Variants in NCK2 observed in about 807,000 individuals in gnomAD.
NCK2 encodes NCK adaptor protein 2, also known as cytoplasmic protein NCK2.
A neutral mutation model predicts 33.9 loss-of-function variants in NCK2; 16 were observed. The observed-to-expected ratio is 0.47, with a 90% confidence interval of 0.32 to 0.72. The LOEUF is 0.72. Among genes scored for constraint, NCK2 ranks in the 30% least tolerant of loss-of-function variants. NCK2 has a pLI of 0.03. For synonymous variants in NCK2, 273 were observed against 239.9 expected (o/e 1.14, Z -1.27); for missense variants, 418 against 537.3 (o/e 0.78, Z 2.19).
intron 3 of NCK2, among the ~76,000 whole-genome samples, chr2:105,874,114 G>A (rs933632104): frequency 6.6e-6 from 1 of 152,180 alleles, no homozygotes; most frequent in African/African-American, 2.4e-5. Context: ...ATCTCATGTG[G>A]CCGCCCTTTC....
Position 105,881,227 on chromosome 2 carries a change from G to C in NCK2, c.227-101G>C. On this transcript the variant is annotated intron_variant, in intron 3 of 4. Coordinates refer to ENST00000233154, the MANE Select transcript of NCK2 (RefSeq NM_003581.5). ...AGCACTGTCCATGTGTCGTCCCCTTGTATTTAACCGCCAGAGAAACTGCGT... is the reference window on the plus strand; with the variant it reads ...AGCACTGTCCATGTGTCGTCCCCTTCTATTTAACCGCCAGAGAAACTGCGT... 4 of 1,466,902 alleles carry C rather than the reference G, an allele frequency of 2.7e-6. No individual in the cohort carries two copies. In the South Asian group the frequency reaches 4.1e-5, roughly 15 times the overall value. The allele number at this position is 1,466,902 out of a possible 1,614,324, so 90.9% of individuals were successfully genotyped here. A position where few individuals can be genotyped will look rare whatever the true frequency, so the allele number is the denominator to read the frequency against.
chr2:105,835,536 A>G (rs1470051860), intron 2 of NCK2, among the ~76,000 whole-genome samples: 5 of 149,444 alleles, frequency 3.3e-5, no homozygotes, highest in Non-Finnish European at 7.4e-5. Context: ...ATTTTACTTG[A>G]TGTTTTTCTC....
chr2:105,851,660 G>A (rs1359024981), intron 2 of NCK2: 9 of 152,378 alleles, frequency 5.9e-5, no homozygotes, highest in Non-Finnish European at 1.0e-4. Context: ...CTACTGAGGC[G>A]TGATTACGCC....
chr2:105,850,286 C>A (rs1333444229), intron 2 of NCK2, among the ~76,000 whole-genome samples: 3 of 152,168 alleles, frequency 2.0e-5, no homozygotes, highest in Non-Finnish European at 4.4e-5. Flanking sequence ...GTTAACCCAG[C>A]AAGATACGGT....
chr2:105,800,270 T>C (rs1425172798), intron 1 of NCK2, among the ~76,000 whole-genome samples: 1 of 152,200 alleles, frequency 6.6e-6, no homozygotes, highest in Non-Finnish European at 1.5e-5. Flanking sequence ...TTGTTCTCTG[T>C]CCTCCCTGTG....
chr2:105,828,214 A>T (rs1225581326), intron 2 of NCK2, among the ~76,000 whole-genome samples: 3 of 152,240 alleles, frequency 2.0e-5, no homozygotes. Context: ...TGAATAAGTC[A>T]TAAAAGGAAG....
rs188884719 is a variant in NCK2 at position 105,784,010 on chromosome 2, G to C, written c.-200-32420G>C. 3.3e-5 allele frequency among the ~76,000 whole-genome samples: 5 copies of C among 152,366 alleles called. No individual in the cohort carries two copies. In the East Asian group the frequency reaches 7.7e-4, roughly 23 times the overall value. ...GTAAGCAGCAGGACCTGCTTCAGCT[G>C]GACGGCAGGTCCCTTCTGTGGCACC... On this transcript the variant is annotated intron_variant, in intron 1 of 4. Coordinates refer to ENST00000233154, the MANE Select transcript of NCK2 (RefSeq NM_003581.5).
At chr2:105,866,760 C>T (rs1313989378) in intron 3 of NCK2, among the ~76,000 whole-genome samples, 2 of 152,152 alleles carry the variant, frequency 1.3e-5, no homozygotes. Flanking sequence ...GTTGGGGACC[C>T]CTGGTCTAGA....
chr2:105,806,238 CTT>C (rs56141591), intron 1 of NCK2, among the ~76,000 whole-genome samples: 2 of 135,966 alleles, frequency 1.5e-5, no homozygotes, highest in African/African-American at 2.9e-5. Flanking sequence ...CATTTTCTTT[CTT>C]TTTTTTTTTT....
At chr2:105,772,372 A>G (rs1160151012) in intron 1 of NCK2, among the ~76,000 whole-genome samples, 1 of 152,122 alleles carries the variant, frequency 6.6e-6, no homozygotes, top group Non-Finnish European at 1.5e-5. Flanking sequence ...CAGGATAAGA[A>G]CCTAGAAAAA....
intron 3 of NCK2, among the ~76,000 whole-genome samples, chr2:105,872,359 T>A (rs1678050406): frequency 6.6e-6 from 1 of 152,200 alleles, no homozygotes; most frequent in Admixed American, 6.5e-5. Context: ...TGAATGGCTC[T>A]GAGTCCTTCT....
At chr2:105,818,201 T>C (rs1418405637) in intron 2 of NCK2, among the ~76,000 whole-genome samples, 1 of 143,888 alleles carries the variant, frequency 6.9e-6, no homozygotes, top group African/African-American at 2.6e-5. Flanking sequence ...CACTGCATGT[T>C]CTAACTCATA....
At chr2:105,784,611 A>G (rs945245317) in intron 1 of NCK2, among the ~76,000 whole-genome samples, 1 of 152,218 alleles carries the variant, frequency 6.6e-6, no homozygotes, top group African/African-American at 2.4e-5. Flanking sequence ...TTCTATAATA[A>G]TCACATTTAA....
chr2:105,835,409 G>GTATATA (rs1380016345), intron 2 of NCK2, among the ~76,000 whole-genome samples: 4,063 of 58,728 alleles, frequency 0.069, 638 homozygotes, highest in East Asian at 0.13. Context: ...ATATATACGT[G>GTATATA]TATATATATA....
At chr2:105,748,476 C>T (rs1573546989) in intron 1 of NCK2, among the ~76,000 whole-genome samples, 1 of 152,150 alleles carries the variant, frequency 6.6e-6, no homozygotes, top group African/African-American at 2.4e-5. Context: ...CCTCGAGCTT[C>T]TGGGTTCAGG....
intron 1 of NCK2, among the ~76,000 whole-genome samples, chr2:105,799,448 A>G (rs1256932337): frequency 5.9e-5 from 9 of 152,198 alleles, no homozygotes; most frequent in Middle Eastern, 3.4e-3. Flanking sequence ...CCATTTATTG[A>G]GAAGGCTGTC....
intron 3 of NCK2, among the ~76,000 whole-genome samples, chr2:105,861,513 CT>C (rs35044148): frequency 0.48 from 54,444 of 114,276 alleles, 11,848 homozygotes; most frequent in African/African-American, 0.56. Context: ...AGGTTTTTCT[CT>C]TTTTTTTTTT....
chr2:105,864,630 T>C (rs1558876190), intron 3 of NCK2, among the ~76,000 whole-genome samples: 1 of 152,016 alleles, frequency 6.6e-6, no homozygotes, highest in African/African-American at 2.4e-5. Flanking sequence ...TTTTCAGATG[T>C]GTAAAGATAA....
intron 3 of NCK2, among the ~76,000 whole-genome samples, chr2:105,855,988 C>G (rs1040662398): frequency 2.0e-5 from 3 of 152,188 alleles, no homozygotes; most frequent in African/African-American, 7.2e-5. Flanking sequence ...GCACCCACCA[C>G]CACATCCGGC....
Sources: allele counts gnomAD v4.1 joint callset (sites outside exome capture counted in the v4.1 genomes callset), GRCh38; gene constraint gnomAD v4.1.1; transcripts MANE v1.5; gene names NCBI Gene and HGNC (gene_info 2026-07-23, HGNC 2026-07-21).